The following PCCA variants were observed in gnomAD, a reference collection of about 807,000 sequenced individuals.
PCCA encodes the protein propionyl-CoA carboxylase alpha chain, mitochondrial.
A neutral mutation model predicts 101.3 loss-of-function variants in PCCA; 74 were observed. That is an observed-to-expected ratio of 0.73 (90% CI 0.61 to 0.89). The LOEUF is 0.89. Ranked by LOEUF, PCCA falls within the 40% of genes least tolerant of loss-of-function variation. The probability of loss-of-function intolerance (pLI) is 0.00; values close to 1 mark genes in which losing one functional copy is unlikely to be tolerated. For synonymous variants in PCCA, 294 were observed against 313.6 expected (o/e 0.94, Z 0.66); for missense variants, 891 against 907.0 (o/e 0.98, Z 0.23).
chr13:100,121,469 CTTT>C lies in PCCA; in HGVS notation c.300+9422_300+9424del, dbSNP rs58893932. On this transcript the variant is annotated intron_variant, in intron 4 of 23. Coordinates refer to ENST00000376285, the MANE Select transcript of PCCA (RefSeq NM_000282.4). Reference sequence around the variant, plus strand: ...GCCACTGCGTCTGGGCCTTAGGATTCTTTTTTTTTTTTTTTTCTCTCTTGAGAC... The same window carrying C: ...GCCACTGCGTCTGGGCCTTAGGATTCTTTTTTTTTTTTTCTCTCTTGAGAC... Among the ~76,000 whole-genome samples the C allele has an allele frequency of 6.3e-4, 83 of 132,046 alleles. No homozygotes were observed. In the South Asian group the frequency reaches 8.8e-3, roughly 14 times the overall value. The allele number at this position is 132,046 out of a possible 152,430, so 86.6% of individuals were successfully genotyped here. A position where few individuals can be genotyped will look rare whatever the true frequency, so the allele number is the denominator to read the frequency against.
rs536467212 is a variant in PCCA, at chr13:100,495,201, C to T, written c.1900-20226C>T. On this transcript the variant is annotated intron_variant, in intron 21 of 23. Transcript: ENST00000376285. ...CAAAACAAAGATTAATCCAGGCTTT[C>T]GGCTGCTGTTGGGAAACTTGTCCAC... 3.9e-5 allele frequency among the ~76,000 whole-genome samples: 6 copies of T among 152,130 alleles called. No homozygotes were observed. The East Asian group carries it at 5.8e-4, about 15-fold the overall frequency.
At chr13:100,317,220 ATCCCTTCCAG>A (rs1014397553) in intron 16 of PCCA, among the ~76,000 whole-genome samples, 3 of 152,268 alleles carry the variant, frequency 2.0e-5, no homozygotes, top group South Asian at 4.1e-4. Flanking sequence ...AATACCTTTC[ATCCCTTCCAG>A]TCCCTCCCTT....
chr13:100,508,045 C>G (rs2086211841), intron 21 of PCCA, among the ~76,000 whole-genome samples: 1 of 151,994 alleles, frequency 6.6e-6, no homozygotes, highest in Non-Finnish European at 1.5e-5. Flanking sequence ...CCTTGTGTTT[C>G]CAGTTACAAA....
chr13:100,130,588 A>G (rs1373446494), intron 4 of PCCA, among the ~76,000 whole-genome samples: 1 of 152,230 alleles, frequency 6.6e-6, no homozygotes, highest in Non-Finnish European at 1.5e-5. Flanking sequence ...ACAACTGCTT[A>G]TAAATAGTAT....
chr13:100,382,030 T>C (rs2076256771), intron 19 of PCCA, among the ~76,000 whole-genome samples: 1 of 152,224 alleles, frequency 6.6e-6, no homozygotes, highest in African/African-American at 2.4e-5. Flanking sequence ...GCTTAAGTGT[T>C]AACAGCTCAG....
chr13:100,371,382 C>G (rs2075562696), intron 19 of PCCA, among the ~76,000 whole-genome samples: 1 of 152,168 alleles, frequency 6.6e-6, no homozygotes, highest in Non-Finnish European at 1.5e-5. Flanking sequence ...ACACTGAAAA[C>G]TATAAAATGT....
chr13:100,112,013 G>T lies in PCCA; in HGVS notation c.252G>T (p.Lys84Asn), dbSNP rs1315838861. The change falls in exon 4 of 24, where the codon AAG (lysine) becomes AAT (asparagine). Residue 84 changes from lysine (K) to asparagine (N), a missense_variant. By Grantham distance (94) the Lys-to-Asn change is moderately conservative. Coordinates refer to ENST00000376285, the MANE Select transcript of PCCA (RefSeq NM_000282.4). ...AATAGGTTATTAGAACTTGCAAGAA[G>T]ATGGGCATTAAGACAGTTGCCATCC... Reference protein sequence around the residue: ...IACRVIRTCKKMGIKTVAIHS... With the variant: ...IACRVIRTCKNMGIKTVAIHS... 13 of 1,609,754 alleles carry T rather than the reference G, an allele frequency of 8.1e-6. No individual in the cohort carries two copies. Among genetic ancestry groups the T allele is most frequent in the Non-Finnish European group, 1.0e-5 (12 of 1,177,628 alleles).
intron 18 of PCCA, among the ~76,000 whole-genome samples, chr13:100,364,771 G>C (rs1567009457): frequency 6.6e-6 from 1 of 152,138 alleles, no homozygotes; most frequent in Non-Finnish European, 1.5e-5. Context: ...TTAGAAAAAG[G>C]CTGGGTACTG....
At chr13:100,103,937 A>G (rs994014728) in intron 2 of PCCA, among the ~76,000 whole-genome samples, 2 of 152,222 alleles carry the variant, frequency 1.3e-5, no homozygotes, top group Non-Finnish European at 2.9e-5. Context: ...TGCCCGGCCT[A>G]TATGATTCAT....
At chr13:100,150,837 G>C in intron 4 of PCCA, 1 of 1,583,268 alleles carries the variant, frequency 6.3e-7, no homozygotes, top group South Asian at 1.1e-5. Flanking sequence ...TTAACACCAT[G>C]ATGGACAGGC....
chr13:100,529,037 G>T (rs1316753643), intron 23 of PCCA, among the ~76,000 whole-genome samples: 1 of 152,108 alleles, frequency 6.6e-6, no homozygotes, highest in African/African-American at 2.4e-5. Context: ...TGTCCTCGTG[G>T]CCTGGGTCTC....
intron 16 of PCCA, among the ~76,000 whole-genome samples, chr13:100,325,877 C>G (rs1248381331): frequency 3.9e-5 from 6 of 152,134 alleles, no homozygotes; most frequent in African/African-American, 1.2e-4. Context: ...GCCCCAGCCA[C>G]CCAGAACACA....
chr13:100,155,203 A>T, intron 5 of PCCA, 111 bp downstream of exon 5: 1 of 776,500 alleles, frequency 1.3e-6, no homozygotes, highest in Admixed American at 2.0e-5. Context: ...ATGCTGTTGC[A>T]GTTAGTTCAT....
At chr13:100,456,655 TGA>T (rs759215599) in intron 21 of PCCA, among the ~76,000 whole-genome samples, 3 of 63,866 alleles carry the variant, frequency 4.7e-5, no homozygotes, top group South Asian at 6.7e-4. Flanking sequence ...TAGCCGAAGC[TGA>T]GAGAGAGAAG....
intron 7 of PCCA, among the ~76,000 whole-genome samples, chr13:100,235,307 A>G (rs2060726937): frequency 6.6e-6 from 1 of 151,702 alleles, no homozygotes; most frequent in Non-Finnish European, 1.5e-5. Flanking sequence ...GAAACAATAG[A>G]AAAGAAAAGG....
intron 6 of PCCA, among the ~76,000 whole-genome samples, 153 bp downstream of exon 6, chr13:100,157,493 A>C (rs2054000215): frequency 6.6e-6 from 1 of 152,204 alleles, no homozygotes; most frequent in African/African-American, 2.4e-5. Flanking sequence ...TTTTAGTCTG[A>C]AACTCAACTG....
intron 11 of PCCA, among the ~76,000 whole-genome samples, chr13:100,272,778 G>A (rs1371147536): frequency 6.6e-6 from 1 of 152,138 alleles, no homozygotes; most frequent in Non-Finnish European, 1.5e-5. Context: ...ATAAATTTCA[G>A]CAAGTAGGCA....
At chr13:100,465,353 G>A (rs555149700) in intron 21 of PCCA, among the ~76,000 whole-genome samples, 10 of 152,314 alleles carry the variant, frequency 6.6e-5, no homozygotes, top group Non-Finnish European at 1.5e-4. Flanking sequence ...TTTTCAGAAT[G>A]AGAAGATAGG....
chr13:100,530,419 C>T lies in PCCA; in HGVS notation c.*253C>T, dbSNP rs2088324617. The T allele has an allele frequency of 3.5e-6, 2 of 577,576 alleles. No individual in the cohort carries two copies. Among genetic ancestry groups the T allele is most frequent in the Non-Finnish European group, 6.2e-6 (2 of 322,958 alleles). The allele number at this position is 577,576 out of a possible 1,614,324, so 35.8% of individuals were successfully genotyped here. On this transcript the variant is annotated 3_prime_UTR_variant, in exon 24 of 24. Transcript: ENST00000376285. ...TAGTGTCAAAATTAAATCAATAAAA[C>T]TGAGCATTTGTCTAAATATTAGTTT...
Sources: allele counts gnomAD v4.1 joint callset (sites outside exome capture counted in the v4.1 genomes callset), GRCh38; gene constraint gnomAD v4.1.1; transcripts MANE v1.5; gene names NCBI Gene and HGNC (gene_info 2026-07-23, HGNC 2026-07-21).